The following R3HDM1 variants were observed in gnomAD, a reference collection of about 807,000 sequenced individuals.
R3HDM1 encodes the protein R3H domain containing 1.
In R3HDM1, 46 loss-of-function variants were observed where a neutral mutation model predicts 141.1. The observed-to-expected ratio is 0.33, with a 90% CI of 0.26 to 0.42. The LOEUF is 0.42. Among genes scored for constraint, R3HDM1 ranks in the 10% least tolerant of loss-of-function variants. The pLI is 1.00. For synonymous variants in R3HDM1, 435 were observed against 472.9 expected (o/e 0.92, Z 1.04); for missense variants, 1,184 against 1,368.3 (o/e 0.87, Z 2.12).
intron 16 of R3HDM1, 100 bp downstream of exon 16, chr2:135,645,627 G>T (rs1456013781): frequency 6.5e-6 from 9 of 1,383,260 alleles, no homozygotes; most frequent in African/African-American, 1.4e-5. Context: ...GTATCTCTTA[G>T]AACTTTAATA....
chr2:135,654,603 C>A (rs1487020614), intron 18 of R3HDM1, among the ~76,000 whole-genome samples: 10 of 152,106 alleles, frequency 6.6e-5, no homozygotes, highest in Non-Finnish European at 1.2e-4. Flanking sequence ...CGTGAGCCAC[C>A]ATGCCCAACT....
At chr2:135,657,955 A>G (rs1384938705) in intron 18 of R3HDM1, among the ~76,000 whole-genome samples, 1 of 152,180 alleles carries the variant, frequency 6.6e-6, no homozygotes, top group Non-Finnish European at 1.5e-5. Context: ...TGTGAATGTC[A>G]CAAAGTGTAT....
rs1332279566 is a variant in R3HDM1, at chr2:135,577,764, G to C, written c.-249-24736G>C. 3.3e-5 allele frequency among the ~76,000 whole-genome samples: 5 copies of C among 151,186 alleles called. No homozygotes were observed. The East Asian group carries it at 9.7e-4, about 29-fold the overall frequency. Reference sequence around the variant, plus strand: ...GAGGCAGGAGAATCGCTTGAACTCGGGAGGCAGAGGTTACGACGAGCCAAG... The same window carrying C: ...GAGGCAGGAGAATCGCTTGAACTCGCGAGGCAGAGGTTACGACGAGCCAAG... On this transcript the variant is annotated intron_variant, in intron 1 of 26. Transcript: ENST00000683871.
intron 23 of R3HDM1, among the ~76,000 whole-genome samples, chr2:135,711,963 TAAAAAAAAAAA>T (rs35616482): frequency 3.5e-5 from 3 of 85,108 alleles, no homozygotes; most frequent in Non-Finnish European, 4.3e-5. Context: ...TGTCTAAAAT[TAAAAAAAAAAA>T]AAAAAAAAAA....
chr2:135,555,023 C>T (rs533456166), intron 1 of R3HDM1, among the ~76,000 whole-genome samples: 7 of 151,842 alleles, frequency 4.6e-5, no homozygotes, highest in Non-Finnish European at 8.8e-5. Flanking sequence ...TAAAATAAGT[C>T]GGGCGTGGTG....
rs112647678 is a variant in R3HDM1, at chr2:135,580,633, T to C, written c.-249-21867T>C. 1.6e-3 allele frequency among the ~76,000 whole-genome samples: 249 copies of C among 152,330 alleles called. 4 individuals carry two copies. Among genetic ancestry groups the C allele is most frequent in the African/African-American group, 5.5e-3 (230 of 41,584 alleles). On this transcript the variant is annotated intron_variant, in intron 1 of 26. Transcript: ENST00000683871. Reference sequence around the variant, plus strand: ...CTAATTGTCTTCATTATCTCCCTAATGAGTTTCAGGAAAAGTCCCAGCTCT... The same window carrying C: ...CTAATTGTCTTCATTATCTCCCTAACGAGTTTCAGGAAAAGTCCCAGCTCT...
In R3HDM1 at chr2:135,593,631, T is replaced by C. The variant is rs139325100; in HGVS notation, c.-249-8869T>C. Reference sequence around the variant, plus strand: ...CTAGTGTTTGCCACGAATTAGCTCATGTCCATGCCAAAGGTTGTATCTCTT... The same window carrying C: ...CTAGTGTTTGCCACGAATTAGCTCACGTCCATGCCAAAGGTTGTATCTCTT... On this transcript the variant is annotated intron_variant, in intron 1 of 26. Coordinates refer to ENST00000683871, the MANE Select transcript of R3HDM1 (RefSeq NM_001378107.1). Among the ~76,000 whole-genome samples the C allele has an allele frequency of 2.9e-3, 441 of 152,350 alleles. 2 individuals are homozygous for C. The highest frequency in any genetic ancestry group is 0.01 in the African/African-American group (417 of 41,582).
At chr2:135,576,326 G>A (rs1021516826) in intron 1 of R3HDM1, among the ~76,000 whole-genome samples, 11 of 151,744 alleles carry the variant, frequency 7.2e-5, no homozygotes, top group African/African-American at 2.7e-4. Flanking sequence ...CCATGATAGT[G>A]CCACTGCACT....
intron 21 of R3HDM1, among the ~76,000 whole-genome samples, chr2:135,708,261 T>A (rs2075183475): frequency 6.6e-6 from 1 of 152,230 alleles, no homozygotes; most frequent in African/African-American, 2.4e-5. Context: ...ACATCAAATA[T>A]CCAGTTAATA....
At chr2:135,645,115 G>T in intron 15 of R3HDM1, 1 of 238,660 alleles carries the variant, frequency 4.2e-6, no homozygotes, top group Non-Finnish European at 8.0e-6. Context: ...ATTAAATTAA[G>T]CTCACTAGCG....
chr2:135,698,052 C>CAA (rs1193995693), intron 21 of R3HDM1, among the ~76,000 whole-genome samples: 1,472 of 72,834 alleles, frequency 0.02, 12 homozygotes, highest in Non-Finnish European at 0.022. Context: ...AACTCTGTCT[C>CAA]AAAAAAAAAA....
intron 6 of R3HDM1, chr2:135,622,297 A>G (rs2061585036): frequency 1.0e-6 from 1 of 984,660 alleles, no homozygotes; most frequent in Admixed American, 6.2e-5. Flanking sequence ...AATGTAGTTA[A>G]TTATGTAAAT....
chr2:135,642,952 A>G (rs1226572322), intron 15 of R3HDM1, among the ~76,000 whole-genome samples: 1 of 152,108 alleles, frequency 6.6e-6, no homozygotes, highest in Non-Finnish European at 1.5e-5. Context: ...TCCTGTTTTT[A>G]TCCAGCAAGA....
At chr2:135,623,552 C>T (rs533977661) in intron 7 of R3HDM1, among the ~76,000 whole-genome samples, 1 of 152,172 alleles carries the variant, frequency 6.6e-6, no homozygotes, top group East Asian at 1.9e-4. Flanking sequence ...TAATATCAAC[C>T]CCAAAGAGAA....
chr2:135,723,343 G>A (rs948855030), intron 26 of R3HDM1, among the ~76,000 whole-genome samples: 1 of 151,308 alleles, frequency 6.6e-6, no homozygotes, highest in Non-Finnish European at 1.5e-5. Context: ...GGCTGGTCTC[G>A]AACTCCAGAC....
At chr2:135,619,021 CAAAAAAA>C (rs34537777) in intron 5 of R3HDM1, among the ~76,000 whole-genome samples, 1 of 112,292 alleles carries the variant, frequency 8.9e-6, no homozygotes, top group East Asian at 2.6e-4. Flanking sequence ...ACTCTTATCT[CAAAAAAA>C]AAAAAAAAAA....
At chr2:135,548,380 A>G (rs911917817) in intron 1 of R3HDM1, among the ~76,000 whole-genome samples, 5 of 152,250 alleles carry the variant, frequency 3.3e-5, no homozygotes, top group African/African-American at 1.2e-4. Context: ...ACACTTGGAC[A>G]TGCATATGAT....
intron 1 of R3HDM1, among the ~76,000 whole-genome samples, chr2:135,582,493 T>C (rs1031538210): frequency 5.3e-5 from 8 of 152,182 alleles, no homozygotes; most frequent in African/African-American, 1.9e-4. Context: ...AGAGTTGAAA[T>C]GCCTTGGTCG....
At chr2:135,612,147 T>TAAC (rs1335070040) in intron 3 of R3HDM1, among the ~76,000 whole-genome samples, 4 of 152,218 alleles carry the variant, frequency 2.6e-5, no homozygotes, top group Non-Finnish European at 5.9e-5. Context: ...GAGAACTTTG[T>TAAC]ATTTTTCATT....
Sources: allele counts gnomAD v4.1 joint callset (sites outside exome capture counted in the v4.1 genomes callset), GRCh38; gene constraint gnomAD v4.1.1; transcripts MANE v1.5; gene names NCBI Gene and HGNC (gene_info 2026-07-23, HGNC 2026-07-21).